The following NCS1 variants were observed in gnomAD, a reference collection of about 807,000 sequenced individuals.
NCS1 encodes neuronal calcium sensor 1, also known as frequenin homolog.
Under a neutral mutation model 28.4 loss-of-function variants are expected in NCS1, and 6 were observed. That is an observed-to-expected ratio of 0.21 (90% CI 0.12 to 0.42). The LOEUF (loss-of-function observed/expected upper bound fraction) is 0.42. Among genes scored for constraint, NCS1 ranks in the 10% least tolerant of loss-of-function variants. The pLI, the probability that NCS1 is intolerant of heterozygous loss-of-function variation, is 1.00. For synonymous variants in NCS1, 86 were observed against 99.3 expected, an observed-to-expected ratio of 0.87 and a Z score of 0.79; for missense variants, 131 against 241.4, an observed-to-expected ratio of 0.54 and a Z score of 3.03.
At chr9:130,183,417 T>C (rs1338539277) in intron 1 of NCS1, among the ~76,000 whole-genome samples, 2 of 152,166 alleles carry the variant, frequency 1.3e-5, no homozygotes, top group African/African-American at 2.4e-5. Flanking sequence ...GCCACTGTGC[T>C]CTGGATTCCC....
chr9:130,220,534 AG>A (rs58799498), intron 4 of NCS1, among the ~76,000 whole-genome samples: 72 of 152,040 alleles, frequency 4.7e-4, no homozygotes, highest in African/African-American at 1.6e-3. Flanking sequence ...GGCTCCAGCC[AG>A]GGGGCCCGCG....
intron 2 of NCS1, among the ~76,000 whole-genome samples, chr9:130,204,900 G>T (rs1833004557): frequency 6.6e-6 from 1 of 152,052 alleles, no homozygotes; most frequent in African/African-American, 2.4e-5. Context: ...GCCCAGGGGG[G>T]TGAGTGACTT....
At position 130,223,165 on chromosome 9, in the gene NCS1, GT is replaced by G; in HGVS notation, c.474+7del. 6.2e-7 allele frequency: 1 copy of G among 1,606,258 alleles called. No individual in the cohort carries two copies. Among genetic ancestry groups the G allele is most frequent in the Non-Finnish European group, 8.5e-7 (1 of 1,173,152 alleles). ...TCTTTGCCATGATGGATAAGGTGAG[GT>G]GGGGGGGCGGGGCTGGTCCTGGACC... On this transcript the variant is annotated splice_region_variant and intron_variant, in intron 6 of 7. Coordinates refer to ENST00000372398, the MANE Select transcript of NCS1 (RefSeq NM_014286.4).
chr9:130,209,400 C>T lies in NCS1; in HGVS notation c.89+8418C>T, dbSNP rs1441336290. Among the ~76,000 whole-genome samples, 3 of 152,212 alleles carry T rather than the reference C, an allele frequency of 2.0e-5. No homozygotes were observed. The highest frequency in any genetic ancestry group is 3.9e-4 in the East Asian group (2 of 5,190). ...AGACTGAGGCCTGGCAGTGCGGGGGCTTGCTCAGGCCCTCAGAGAACTAGA... is the reference window on the plus strand; with the variant it reads ...AGACTGAGGCCTGGCAGTGCGGGGGTTTGCTCAGGCCCTCAGAGAACTAGA... On this transcript the variant is annotated intron_variant, in intron 2 of 7. Coordinates refer to ENST00000372398, the MANE Select transcript of NCS1 (RefSeq NM_014286.4). This position sits in a 1 kb window ranked among gnomAD's most constrained non-coding sequence, Gnocchi z 4.4.
intron 1 of NCS1, among the ~76,000 whole-genome samples, chr9:130,195,391 G>A (rs1427114169): frequency 6.6e-6 from 1 of 152,024 alleles, no homozygotes; most frequent in Non-Finnish European, 1.5e-5. Flanking sequence ...GCCAAGGCAG[G>A]GTCGGGAGGG....
chr9:130,174,813 G>A (rs1182090295), intron 1 of NCS1, among the ~76,000 whole-genome samples: 1 of 95,308 alleles, frequency 1.0e-5, no homozygotes, highest in Non-Finnish European at 2.0e-5. Context: ...AAAAAGCTCT[G>A]CTGGGTGTCT....
rs558877915 is a variant in NCS1, at chr9:130,192,234, C to T, written c.65-8724C>T. Reference sequence around the variant, plus strand: ...GCAGTGATGATCATGCTGACTGCCTCGTGCCAGGCAGCTCCTGCGTCTGCT... The same window carrying T: ...GCAGTGATGATCATGCTGACTGCCTTGTGCCAGGCAGCTCCTGCGTCTGCT... On this transcript the variant is annotated intron_variant, in intron 1 of 7. Transcript: ENST00000372398. The surrounding 1 kb of genome is among the most constrained non-coding windows in gnomAD (Gnocchi z 4.8). Among the ~76,000 whole-genome samples the T allele has an allele frequency of 1.2e-4, 19 of 152,276 alleles. No homozygotes were observed. Among genetic ancestry groups the T allele is most frequent in the Non-Finnish European group, 8.8e-5 (6 of 68,006 alleles).
At position 130,192,764 on chromosome 9, in the gene NCS1, C is replaced by T. The variant is rs1376065857; in HGVS notation, c.65-8194C>T. On this transcript the variant is annotated intron_variant, in intron 1 of 7. Transcript: ENST00000372398. This position sits in a 1 kb window ranked among gnomAD's most constrained non-coding sequence, Gnocchi z 4.8. ...GTGAGTGGGGGGAGTGATCTGAGGC[C>T]TTGTGTGCTTGGGGCACCTGGAGGA... Among the ~76,000 whole-genome samples the T allele has an allele frequency of 6.6e-6, 1 of 152,122 alleles. No individual in the cohort carries two copies. Among genetic ancestry groups the T allele is most frequent in the African/African-American group, 2.4e-5 (1 of 41,428 alleles).
At chr9:130,229,712 A>AT (rs1833473357) in intron 7 of NCS1, among the ~76,000 whole-genome samples, 1 of 152,144 alleles carries the variant, frequency 6.6e-6, no homozygotes, top group Admixed American at 6.5e-5. Context: ...GCATGATATG[A>AT]TCCCCCTTTC....
intron 6 of NCS1, among the ~76,000 whole-genome samples, chr9:130,224,068 G>A (rs192139392): frequency 0.015 from 2,206 of 151,456 alleles, 49 homozygotes; most frequent in African/African-American, 0.043. Context: ...GGATGGTCTC[G>A]ATCTCCTGAC....
intron 4 of NCS1, among the ~76,000 whole-genome samples, chr9:130,221,413 T>TATATATATATATAGAG (rs1833297741): frequency 1.7e-5 from 1 of 57,750 alleles, no homozygotes; most frequent in Non-Finnish European, 3.0e-5. Flanking sequence ...TATATATATA[T>TATATATATATATAGAG]AGAGAGAGAG....
intron 1 of NCS1, among the ~76,000 whole-genome samples, chr9:130,179,550 G>A (rs1554904962): frequency 2.0e-5 from 3 of 152,294 alleles, no homozygotes; most frequent in South Asian, 2.1e-4. Flanking sequence ...GGAGTTAAAA[G>A]GCTGGGGATG....
At chr9:130,176,244 G>A (rs1832570457) in intron 1 of NCS1, among the ~76,000 whole-genome samples, 1 of 136,934 alleles carries the variant, frequency 7.3e-6, no homozygotes, top group African/African-American at 2.7e-5. Context: ...CCTGACTGGA[G>A]TGCAATGGTG....
chr9:130,207,220 T>C (rs1833035627), intron 2 of NCS1, among the ~76,000 whole-genome samples: 1 of 152,200 alleles, frequency 6.6e-6, no homozygotes, highest in Non-Finnish European at 1.5e-5. Flanking sequence ...CTTGGCCCCA[T>C]ACAGCCTCTG....
At chr9:130,225,076 C>T (rs1430022458) in intron 6 of NCS1, among the ~76,000 whole-genome samples, 1 of 152,134 alleles carries the variant, frequency 6.6e-6, no homozygotes, top group Non-Finnish European at 1.5e-5. Context: ...CCTGTGGTCC[C>T]AGCTACTCGG....
rs895155403 is a variant in NCS1 at position 130,181,665 on chromosome 9, C to T, written c.64+8938C>T. On this transcript the variant is annotated intron_variant, in intron 1 of 7. Coordinates refer to ENST00000372398, the MANE Select transcript of NCS1 (RefSeq NM_014286.4). This position sits in a 1 kb window ranked among gnomAD's most constrained non-coding sequence, Gnocchi z 5.0. Reference sequence around the variant, plus strand: ...AGCCCTGGGCCGCGGTGAGGGGCCCCTGCTTGGTGGAGGTGCCAGGGAGCC... The same window carrying T: ...AGCCCTGGGCCGCGGTGAGGGGCCCTTGCTTGGTGGAGGTGCCAGGGAGCC... Among the ~76,000 whole-genome samples, 1 of 152,292 alleles carries T rather than the reference C, an allele frequency of 6.6e-6. No individual in the cohort carries two copies. Among genetic ancestry groups the T allele is most frequent in the Non-Finnish European group, 1.5e-5 (1 of 68,020 alleles).
chr9:130,183,442 G>T (rs1386418482), intron 1 of NCS1, among the ~76,000 whole-genome samples: 1 of 152,180 alleles, frequency 6.6e-6, no homozygotes, highest in Non-Finnish European at 1.5e-5. Flanking sequence ...AGGGGAGCAG[G>T]GGGAGGGCAG....
At chr9:130,212,030 G>C (rs1459121620) in intron 2 of NCS1, among the ~76,000 whole-genome samples, 2 of 139,208 alleles carry the variant, frequency 1.4e-5, no homozygotes, top group Non-Finnish European at 3.3e-5. Context: ...GGGAAGGGCA[G>C]ACCATGTGGA....
chr9:130,172,647 G>A lies in NCS1; in HGVS notation c.-17G>A. 3.5e-6 allele frequency: 5 copies of A among 1,448,072 alleles called. 1 individual carries two copies. The highest frequency in any genetic ancestry group is 1.3e-5 in the South Asian group (1 of 78,026). The allele number at this position is 1,448,072 out of a possible 1,614,324, so 89.7% of individuals were successfully genotyped here. A position where few individuals can be genotyped will look rare whatever the true frequency, so the allele number is the denominator to read the frequency against. Reference sequence around the variant, plus strand: ...ACCGGGTCCGGCCCGGGGGGGCGGGGGCCGCGGCCGCCGAGGATGGGGAAA... The same window carrying A: ...ACCGGGTCCGGCCCGGGGGGGCGGGAGCCGCGGCCGCCGAGGATGGGGAAA... On this transcript the variant is annotated 5_prime_UTR_variant, in exon 1 of 8. Coordinates refer to ENST00000372398, the MANE Select transcript of NCS1 (RefSeq NM_014286.4).
Sources: allele counts gnomAD v4.1 joint callset (sites outside exome capture counted in the v4.1 genomes callset), GRCh38; gene constraint gnomAD v4.1.1; non-coding constraint Gnocchi (gnomAD v3.1); transcripts MANE v1.5; gene names NCBI Gene and HGNC (gene_info 2026-07-23, HGNC 2026-07-21).